The following SQLE variants were observed in gnomAD, a reference collection of about 807,000 sequenced individuals.
SQLE encodes squalene epoxidase.
In SQLE, 29 loss-of-function variants were observed where a neutral mutation model predicts 60.7. The ratio of observed to expected loss-of-function variants is 0.48; its 90% CI spans 0.36 to 0.65. SQLE has a LOEUF of 0.65. SQLE is among the 30% of genes least tolerant of loss of function. The pLI, the probability that SQLE is intolerant of heterozygous loss-of-function variation, is 0.00. For missense variants in SQLE, 605 were observed against 684.1 expected (o/e 0.88, Z 1.29); for synonymous variants, 237 against 246.8 (o/e 0.96, Z 0.37).
At position 125,018,104 on chromosome 8, in the gene SQLE, C is replaced by A. The variant is rs773407051; in HGVS notation, c.1250C>A (p.Thr417Asn). ...GDAYNMRHPL[T>N]GGGMTVAFKD... ...GCATATAATATGAGGCATCCACTTA[C>A]TGGTGGAGGAATGACTGTTGCTTTT... Residue 417 changes from threonine (T) to asparagine (N), a missense_variant, in exon 8 of 11, where the codon ACT becomes AAT. Coordinates refer to ENST00000265896, the MANE Select transcript of SQLE (RefSeq NM_003129.4). 11 of 1,613,626 alleles carry A rather than the reference C, an allele frequency of 6.8e-6. No homozygotes were observed. Among genetic ancestry groups the A allele is most frequent in the Non-Finnish European group, 9.3e-6 (11 of 1,179,680 alleles).
chr8:125,002,399 C>T (rs571279610), intron 1 of SQLE, among the ~76,000 whole-genome samples: 27 of 152,216 alleles, frequency 1.8e-4, no homozygotes, highest in African/African-American at 4.3e-4. Context: ...TATCTAAGGC[C>T]GCACGCAGTG....
intron 1 of SQLE, among the ~76,000 whole-genome samples, chr8:125,000,614 AT>A (rs925942692): frequency 1.1e-3 from 167 of 145,410 alleles, no homozygotes; most frequent in Non-Finnish European, 1.1e-3. Context: ...CTCCTGGCTA[AT>A]TTTTTTTTTT....
chr8:125,000,087 G>C (rs1043451824), intron 1 of SQLE: 2 of 462,020 alleles, frequency 4.3e-6, no homozygotes, highest in Non-Finnish European at 8.6e-6. Flanking sequence ...TCCACTGCTT[G>C]TAAGAAGTGA....
chr8:125,005,601 G>C lies in SQLE; in HGVS notation c.621G>C (p.Gln207His). ...ATCAGGAAAGCAAATCAGAGGTTCA[G>C]ATTCCTTACCCTCTGTCAGAAAACA... ...IHDQESKSEV[Q>H]IPYPLSENNQ... The change falls in exon 3 of 11, where the codon CAG becomes CAC. Residue 207 changes from glutamine (Q) to histidine (H), a missense_variant. Gln to His is a conservative substitution (Grantham distance 24). Transcript: ENST00000265896. The C allele has an allele frequency of 1.2e-6, 2 of 1,612,396 alleles. No individual in the cohort carries two copies. The highest frequency in any genetic ancestry group is 1.7e-6 in the Non-Finnish European group (2 of 1,178,898).
chr8:125,007,282 C>A, intron 3 of SQLE, 109 bp from the exon 4 acceptor site: 1 of 645,656 alleles, frequency 1.5e-6, no homozygotes, highest in Non-Finnish European at 2.4e-6. Context: ...CGTGTTTGCA[C>A]ACACATGCAT....
chr8:125,001,621 A>G (rs1387018901), intron 1 of SQLE, among the ~76,000 whole-genome samples: 4 of 151,960 alleles, frequency 2.6e-5, no homozygotes, highest in East Asian at 3.8e-4. Context: ...GAAGAGTAGA[A>G]TATTGAGATC....
Position 125,003,225 on chromosome 8 carries a change from C to T in SQLE, c.341C>T (p.Ala114Val). Residue 114 changes from alanine (A) to valine (V), a missense_variant, in exon 2 of 11, where the codon GCC becomes GTC. Ala to Val is a moderately conservative substitution (Grantham distance 64). Coordinates refer to ENST00000265896, the MANE Select transcript of SQLE (RefSeq NM_003129.4). Reference protein sequence around the residue: ...ISETSLIGTAACTSTSSQNDP... With the variant: ...ISETSLIGTAVCTSTSSQNDP... ...GAAACAAGCTTAATAGGAACAGCTGCCTGTACATCAACATCTTCTCAGAAT... is the reference window on the plus strand; with the variant it reads ...GAAACAAGCTTAATAGGAACAGCTGTCTGTACATCAACATCTTCTCAGAAT... The T allele has an allele frequency of 6.2e-7, 1 of 1,613,722 alleles. No homozygotes were observed. The highest frequency in any genetic ancestry group is 8.5e-7 in the Non-Finnish European group (1 of 1,179,826).
Position 125,001,689 on chromosome 8 carries a change from G to T in SQLE, c.292-1487G>T, listed in dbSNP as rs536536450. ...CTGAGAGAAATTAAAAAAAAAAAAA[G>T]AATAGACAAATTCCCAGTCCACTAT... On this transcript the variant is annotated intron_variant, in intron 1 of 10. Coordinates refer to ENST00000265896, the MANE Select transcript of SQLE (RefSeq NM_003129.4). Among the ~76,000 whole-genome samples the T allele has an allele frequency of 1.2e-3, 179 of 150,290 alleles. 1 individual carries two copies. Among genetic ancestry groups the T allele is most frequent in the African/African-American group, 4.1e-3 (167 of 40,926 alleles).
In SQLE at chr8:124,999,558, G is replaced by A. The variant is rs781628118; in HGVS notation, c.155G>A (p.Gly52Asp). 1 of 1,613,274 alleles carries A rather than the reference G, an allele frequency of 6.2e-7. No individual in the cohort carries two copies. Among genetic ancestry groups the A allele is most frequent in the Non-Finnish European group, 8.5e-7 (1 of 1,179,616 alleles). Reference protein sequence around the residue: ...LSYRCRHRNGGLLGRQQSGSQ... With the variant: ...LSYRCRHRNGDLLGRQQSGSQ... ...TACCGCTGTCGCCACCGAAACGGGG[G>A]TCTCCTCGGGCGCCAGCAGAGCGGC... The change falls in exon 1 of 11, where the codon GGT becomes GAT. Residue 52 changes from glycine to aspartate, a missense_variant. Coordinates refer to ENST00000265896, the MANE Select transcript of SQLE (RefSeq NM_003129.4).
At chr8:125,014,626 G>T (rs1815083383) in intron 7 of SQLE, among the ~76,000 whole-genome samples, 1 of 152,072 alleles carries the variant, frequency 6.6e-6, no homozygotes, top group Non-Finnish European at 1.5e-5. Context: ...TTTCTATCAA[G>T]AAATTTTTAT....
At chr8:125,002,552 C>T (rs1383974620) in intron 1 of SQLE, among the ~76,000 whole-genome samples, 1 of 152,132 alleles carries the variant, frequency 6.6e-6, no homozygotes, top group Non-Finnish European at 1.5e-5. Flanking sequence ...TTGCACATGC[C>T]TATAATCCCA....
In SQLE at chr8:125,006,396, A is replaced by C. The variant is rs573013987; in HGVS notation, c.725+691A>C. 2.8e-3 allele frequency among the ~76,000 whole-genome samples: 432 copies of C among 152,136 alleles called. 3 individuals carry two copies. The highest frequency in any genetic ancestry group is 9.8e-3 in the African/African-American group (409 of 41,528). On this transcript the variant is annotated intron_variant, in intron 3 of 10. Coordinates refer to ENST00000265896, the MANE Select transcript of SQLE (RefSeq NM_003129.4). ...AGCACTTTGGGAGGCTGAGGTGGGC[A>C]GATCACGAGGTCAGGAGTTCAAAAC...
At chr8:125,000,746 G>T (rs1814831028) in intron 1 of SQLE, among the ~76,000 whole-genome samples, 1 of 152,116 alleles carries the variant, frequency 6.6e-6, no homozygotes. Flanking sequence ...GAGCCACGGC[G>T]CCTGGCCTGA....
intron 1 of SQLE, among the ~76,000 whole-genome samples, chr8:125,002,238 C>T (rs1378383038): frequency 1.3e-5 from 2 of 152,112 alleles, no homozygotes; most frequent in African/African-American, 4.8e-5. Flanking sequence ...GTTATTTCTT[C>T]TCTTGTAATT....
chr8:124,999,977 GAGA>G (rs1814815429), intron 1 of SQLE: 1 of 597,286 alleles, frequency 1.7e-6, no homozygotes. Context: ...CATTTTGAAG[GAGA>G]AGAACAACCA....
rs1814889023 is a variant in SQLE at position 125,003,195 on chromosome 8, T to C, written c.311T>C (p.Ile104Thr). ...AAACAGCGCAGAAAAGGAACCAATA[T>C]TTCAGAAACAAGCTTAATAGGAACA... Reference protein sequence around the residue: ...EARRRRKGTNISETSLIGTAA... With the variant: ...EARRRRKGTNTSETSLIGTAA... The change falls in exon 2 of 11, where the codon ATT becomes ACT. Residue 104 changes from isoleucine (I) to threonine (T), a missense_variant. Physicochemically the swap from Ile to Thr is moderately conservative, Grantham distance 89 (BLOSUM62 -1). Coordinates refer to ENST00000265896, the MANE Select transcript of SQLE (RefSeq NM_003129.4). 6.2e-7 allele frequency: 1 copy of C among 1,610,186 alleles called. No individual in the cohort carries two copies. The highest frequency in any genetic ancestry group is 1.1e-5 in the South Asian group (1 of 90,082).
intron 1 of SQLE, 77 bp downstream of exon 1, chr8:124,999,771 T>C (rs1814812143): frequency 6.8e-7 from 1 of 1,469,092 alleles, no homozygotes; most frequent in Non-Finnish European, 9.0e-7. Context: ...TAAGTTTTAT[T>C]TGAATTGCAA....
intron 2 of SQLE, 96 bp from the exon 3 acceptor site, chr8:125,005,429 A>C: frequency 9.0e-7 from 1 of 1,107,096 alleles, no homozygotes; most frequent in African/African-American, 1.6e-5. Flanking sequence ...TTGAAGGCAG[A>C]GACTCATTTT....
At position 124,998,517 on chromosome 8, in the gene SQLE, G is replaced by T. The variant is rs1032406004; in HGVS notation, c.-887G>T. On this transcript the variant is annotated 5_prime_UTR_variant, in exon 1 of 11. Transcript: ENST00000265896. The stretch of plus-strand genomic sequence containing the variant: ...CGCCCAGCTGGCTGAGACGCGTGGA[G>T]CCTGGCGGCGAGTGGGGGCGTGCGA... The T allele has an allele frequency of 1.8e-5, 12 of 657,084 alleles. No homozygotes were observed. The highest frequency in any genetic ancestry group is 6.4e-5 in the South Asian group (4 of 62,950). The allele number at this position is 657,084 out of a possible 1,614,324, so 40.7% of individuals were successfully genotyped here. A position where few individuals can be genotyped will look rare whatever the true frequency, so the allele number is the denominator to read the frequency against.
Sources: allele counts gnomAD v4.1 joint callset (sites outside exome capture counted in the v4.1 genomes callset), GRCh38; gene constraint gnomAD v4.1.1; transcripts MANE v1.5; gene names NCBI Gene and HGNC (gene_info 2026-07-23, HGNC 2026-07-21).